The following NOS1AP variants were observed in gnomAD, a reference collection of about 807,000 sequenced individuals.
NOS1AP encodes carboxyl-terminal PDZ ligand of neuronal nitric oxide synthase protein.
NOS1AP carries 21 observed loss-of-function variants against 56.2 expected under a neutral mutation model. That is an observed-to-expected ratio of 0.37 (90% CI 0.26 to 0.54). The LOEUF (loss-of-function observed/expected upper bound fraction) is 0.54. NOS1AP is among the 20% of genes least tolerant of loss of function. The probability of loss-of-function intolerance (pLI) is 0.84; values close to 1 mark genes in which losing one functional copy is unlikely to be tolerated. For synonymous variants in NOS1AP, 270 were observed against 274.6 expected, an observed-to-expected ratio of 0.98 and a Z score of 0.17; for missense variants, 522 against 657.8, an observed-to-expected ratio of 0.79 and a Z score of 2.26.
chr1:162,298,453 T>C (rs1244242581), intron 3 of NOS1AP, among the ~76,000 whole-genome samples: 1 of 152,172 alleles, frequency 6.6e-6, no homozygotes, highest in East Asian at 1.9e-4. Context: ...AGTGGGGACC[T>C]AGAACTCCCA....
intron 2 of NOS1AP, among the ~76,000 whole-genome samples, chr1:162,253,517 A>T (rs1419660446): frequency 3.3e-5 from 5 of 152,190 alleles, no homozygotes; most frequent in African/African-American, 1.2e-4. Flanking sequence ...AATGAGGAAA[A>T]AAGCTCTCAC....
At chr1:162,174,229 A>C (rs909277226) in intron 2 of NOS1AP, among the ~76,000 whole-genome samples, 1 of 152,132 alleles carries the variant, frequency 6.6e-6, no homozygotes. Flanking sequence ...CTATGCAGCC[A>C]TAAAAAATGA....
At chr1:162,289,775 T>C (rs1655228520) in intron 3 of NOS1AP, among the ~76,000 whole-genome samples, 1 of 152,124 alleles carries the variant, frequency 6.6e-6, no homozygotes. Context: ...GAACCCAGCC[T>C]GTTGACTTTC....
intron 2 of NOS1AP, among the ~76,000 whole-genome samples, chr1:162,228,501 A>T (rs1360759190): frequency 6.6e-6 from 1 of 152,238 alleles, no homozygotes; most frequent in Non-Finnish European, 1.5e-5. Flanking sequence ...AGCTTTCAAC[A>T]GTCTCTCAGA....
chr1:162,162,859 G>A (rs1193354667), intron 2 of NOS1AP, among the ~76,000 whole-genome samples: 1 of 152,054 alleles, frequency 6.6e-6, no homozygotes, highest in South Asian at 2.1e-4. Context: ...GTGAGTTTTA[G>A]TATATTCTTA....
At chr1:162,279,962 G>A (rs1654867204) in intron 2 of NOS1AP, among the ~76,000 whole-genome samples, 1 of 152,108 alleles carries the variant, frequency 6.6e-6, no homozygotes, top group South Asian at 2.1e-4. Context: ...GAAAAGCTTG[G>A]TCAACCCTGG....
chr1:162,338,909 C>T (rs552533958), intron 5 of NOS1AP, among the ~76,000 whole-genome samples: 1 of 152,282 alleles, frequency 6.6e-6, no homozygotes, highest in Admixed American at 6.5e-5. Context: ...ATGTTGACTC[C>T]TGCTAGGTAT....
chr1:162,325,927 T>G (rs1231427075), intron 4 of NOS1AP, among the ~76,000 whole-genome samples: 1 of 152,038 alleles, frequency 6.6e-6, no homozygotes, highest in Non-Finnish European at 1.5e-5. Context: ...ATACTGATGT[T>G]GGGAGAACAA....
At chr1:162,287,227 G>A (rs1168661292) in intron 2 of NOS1AP, 117 bp from the exon 3 acceptor site, 13 of 730,700 alleles carry the variant, frequency 1.8e-5, no homozygotes, top group Admixed American at 8.1e-5. Context: ...CTGCCCCCAG[G>A]AGCTATTCCC....
At chr1:162,231,962 G>A (rs1653137260) in intron 2 of NOS1AP, among the ~76,000 whole-genome samples, 1 of 152,152 alleles carries the variant, frequency 6.6e-6, no homozygotes, top group African/African-American at 2.4e-5. Flanking sequence ...GGGCTGTTTT[G>A]GTTTCTTCTT....
At chr1:162,225,259 C>G (rs562085074) in intron 2 of NOS1AP, among the ~76,000 whole-genome samples, 6 of 152,222 alleles carry the variant, frequency 3.9e-5, no homozygotes, top group Non-Finnish European at 8.8e-5. Flanking sequence ...CCTGGACCAT[C>G]GTCATGGCAC....
intron 1 of NOS1AP, among the ~76,000 whole-genome samples, chr1:162,125,511 G>A (rs1230257313): frequency 6.6e-6 from 1 of 152,062 alleles, no homozygotes; most frequent in Non-Finnish European, 1.5e-5. Flanking sequence ...AGTTTTCTCA[G>A]CATCATTTGT....
At chr1:162,310,135 C>G (rs890363121) in intron 4 of NOS1AP, among the ~76,000 whole-genome samples, 7 of 152,162 alleles carry the variant, frequency 4.6e-5, no homozygotes, top group African/African-American at 1.4e-4. Context: ...CGCTCCAACT[C>G]AAATCCCGGA....
chr1:162,170,006 C>T (rs568079038), intron 2 of NOS1AP, among the ~76,000 whole-genome samples: 22 of 152,326 alleles, frequency 1.4e-4, no homozygotes, highest in African/African-American at 4.6e-4. Flanking sequence ...ACCTTTGCTA[C>T]GAAATCTTCC....
At chr1:162,238,687 G>C (rs1010777262) in intron 2 of NOS1AP, among the ~76,000 whole-genome samples, 3 of 152,172 alleles carry the variant, frequency 2.0e-5, no homozygotes, top group African/African-American at 7.2e-5. Flanking sequence ...CTGTGTGTTA[G>C]GTACTCTTCT....
Position 162,188,989 on chromosome 1 carries a change from G to A in NOS1AP, c.177+34513G>A, listed in dbSNP as rs922838681. Among the ~76,000 whole-genome samples the A allele has an allele frequency of 2.0e-5, 3 of 152,070 alleles. No individual in the cohort carries two copies. The highest frequency in any genetic ancestry group is 4.4e-5 in the Non-Finnish European group (3 of 68,018). On this transcript the variant is annotated intron_variant, in intron 2 of 9. Coordinates refer to ENST00000361897, the MANE Select transcript of NOS1AP (RefSeq NM_014697.3). The surrounding 1 kb of genome is among the most constrained non-coding windows in gnomAD (Gnocchi z 4.0). The stretch of plus-strand genomic sequence containing the variant: ...GGAGAATCACTTGAACCCAAGAAGC[G>A]GAGGTTGCAGTGAGCCGAGATTGCA...
chr1:162,089,582 A>G (rs190172833), intron 1 of NOS1AP, among the ~76,000 whole-genome samples: 19 of 152,312 alleles, frequency 1.2e-4, no homozygotes, highest in Non-Finnish European at 2.5e-4. Flanking sequence ...GACTTTGTAT[A>G]TGTGATTAAG....
chr1:162,172,388 A>G (rs1473792118), intron 2 of NOS1AP, among the ~76,000 whole-genome samples: 1 of 152,250 alleles, frequency 6.6e-6, no homozygotes, highest in African/African-American at 2.4e-5. Context: ...CTATATGCAT[A>G]TCATCCCTTG....
At chr1:162,225,888 AT>A (rs200685970) in intron 2 of NOS1AP, among the ~76,000 whole-genome samples, 1,979 of 152,320 alleles carry the variant, frequency 0.013, 33 homozygotes, top group African/African-American at 0.045. Context: ...CAAATTATTT[AT>A]TTTTCATACA....
Sources: allele counts gnomAD v4.1 joint callset (sites outside exome capture counted in the v4.1 genomes callset), GRCh38; gene constraint gnomAD v4.1.1; non-coding constraint Gnocchi (gnomAD v3.1); transcripts MANE v1.5; gene names NCBI Gene and HGNC (gene_info 2026-07-23, HGNC 2026-07-21).